Variants in CCDC7 observed in about 807,000 individuals in gnomAD.
CCDC7 encodes coiled-coil domain containing 7, also known as coiled-coil domain-containing protein 7.
CCDC7 carries 183 observed loss-of-function variants against 196.9 expected under a neutral mutation model. That is an observed-to-expected ratio of 0.93 (90% CI 0.82 to 1.05). The LOEUF (loss-of-function observed/expected upper bound fraction) is 1.05. Ranked by LOEUF, CCDC7 falls within the 50% of genes least tolerant of loss-of-function variation. The probability of loss-of-function intolerance (pLI) is 0.00; values close to 1 mark genes in which losing one functional copy is unlikely to be tolerated. For synonymous variants in CCDC7, 525 were observed against 484.6 expected (o/e 1.08, Z -1.10); for missense variants, 1,540 against 1,482.2 (o/e 1.04, Z -0.64).
Position 32,814,462 on chromosome 10 carries a change from A to T in CCDC7, c.3181+9A>T. Reference sequence around the variant, plus strand: ...ATCAAAGAGTCTCCCTGGTAAGAACAAAAACTTTACACATTTAGTATTTCT... The same window carrying T: ...ATCAAAGAGTCTCCCTGGTAAGAACTAAAACTTTACACATTTAGTATTTCT... On this transcript the variant is annotated intron_variant, in intron 31 of 41. Coordinates refer to ENST00000639629, the Ensembl canonical transcript of CCDC7. 6.3e-7 allele frequency: 1 copy of T among 1,580,260 alleles called. No homozygotes were observed. Among genetic ancestry groups the T allele is most frequent in the Non-Finnish European group, 8.7e-7 (1 of 1,151,208 alleles).
chr10:32,599,982 C>G (rs1336480938), intron 18 of CCDC7, among the ~76,000 whole-genome samples: 1 of 152,080 alleles, frequency 6.6e-6, no homozygotes, highest in African/African-American at 2.4e-5. Context: ...TATTACTGAG[C>G]TCTCTTTTCT....
chr10:32,804,684 A>G (rs2085458425), intron 29 of CCDC7, among the ~76,000 whole-genome samples: 1 of 152,172 alleles, frequency 6.6e-6, no homozygotes, highest in Non-Finnish European at 1.5e-5. Flanking sequence ...TAAATTCTGT[A>G]GGATATTTTA....
Position 32,564,253 on chromosome 10 carries a change from G to A in CCDC7, c.1135-1305G>A, listed in dbSNP as rs1273818500. On this transcript the variant is annotated intron_variant, in intron 13 of 41. Coordinates refer to ENST00000639629, the Ensembl canonical transcript of CCDC7. ...TGGAAGGCAGTGTGGCGATTCCTCA[G>A]GGATCTAGAACTAGAAATACCATTT... Among the ~76,000 whole-genome samples, 4 of 152,098 alleles carry A rather than the reference G, an allele frequency of 2.6e-5. 1 individual carries two copies. Among genetic ancestry groups the A allele is most frequent in the South Asian group, 4.1e-4 (2 of 4,822 alleles).
At chr10:32,811,620 C>T (rs780836321) in intron 30 of CCDC7, among the ~76,000 whole-genome samples, 3 of 152,042 alleles carry the variant, frequency 2.0e-5, no homozygotes, top group Admixed American at 6.6e-5. Context: ...ACTAGATGGC[C>T]TCACTGCCAA....
intron 39 of CCDC7, among the ~76,000 whole-genome samples, chr10:32,850,788 C>CACAA (rs2093529150): frequency 1.9e-5 from 1 of 52,878 alleles, no homozygotes; most frequent in African/African-American, 5.0e-5. Context: ...CACACACACA[C>CACAA]ACACACACAC....
chr10:32,767,469 A>G (rs1461652701), intron 28 of CCDC7, among the ~76,000 whole-genome samples: 1 of 152,140 alleles, frequency 6.6e-6, no homozygotes, highest in African/African-American at 2.4e-5. Context: ...ACCAAAATAG[A>G]ACAAGTATCT....
chr10:32,728,873 A>G lies in CCDC7; in HGVS notation c.2669-14A>G, dbSNP rs2083495844. On this transcript the variant is annotated splice_polypyrimidine_tract_variant and intron_variant, in intron 26 of 41. Transcript: ENST00000639629. ...TGTTTCCATTTGATGGACTAAATGC[A>G]TCTCTTGATATAGCTCGTATTGTAG... 7.0e-7 allele frequency: 1 copy of G among 1,438,270 alleles called. No individual in the cohort carries two copies. The highest frequency in any genetic ancestry group is 9.7e-7 in the Non-Finnish European group (1 of 1,029,936). 89.1% of individuals were successfully genotyped at this position (1,438,270 alleles called of 1,614,324 possible).
chr10:32,745,881 T>A (rs1395622858), intron 28 of CCDC7, among the ~76,000 whole-genome samples: 1 of 152,238 alleles, frequency 6.6e-6, no homozygotes, highest in African/African-American at 2.4e-5. Flanking sequence ...CTTCCTTGAT[T>A]TCTTTTATCA....
At chr10:32,645,574 C>G (rs2067628076) in intron 20 of CCDC7, among the ~76,000 whole-genome samples, 2 of 142,208 alleles carry the variant, frequency 1.4e-5, no homozygotes, top group East Asian at 4.2e-4. Flanking sequence ...AGTATTCCTT[C>G]CTCTTCAAGT....
chr10:32,613,429 G>A (rs2062410323), intron 18 of CCDC7, among the ~76,000 whole-genome samples: 1 of 151,948 alleles, frequency 6.6e-6, no homozygotes, highest in South Asian at 2.1e-4. Context: ...TTGCTCTGAT[G>A]TTAGTAATTT....
At chr10:32,805,245 C>G in intron 30 of CCDC7, 147 bp downstream of exon 31, 1 of 607,622 alleles carries the variant, frequency 1.6e-6, no homozygotes, top group Non-Finnish European at 2.9e-6. Flanking sequence ...TGGTTTTACT[C>G]TAGAACATAT....
intron 32 of CCDC7, among the ~76,000 whole-genome samples, chr10:32,833,521 A>G (rs1429485596): frequency 6.6e-6 from 1 of 152,118 alleles, no homozygotes; most frequent in East Asian, 1.9e-4. Context: ...CTGTCCTCAA[A>G]TACTCATTAC....
At chr10:32,872,995 T>C (rs2094483616) in intron 41 of CCDC7, among the ~76,000 whole-genome samples, 1 of 152,116 alleles carries the variant, frequency 6.6e-6, no homozygotes. Context: ...TCAACTTTGG[T>C]GAATCTGACA....
chr10:32,777,288 G>A (rs2080222557), intron 28 of CCDC7, among the ~76,000 whole-genome samples: 1 of 152,140 alleles, frequency 6.6e-6, no homozygotes, highest in South Asian at 2.1e-4. Context: ...CCATTGATGA[G>A]CACCTACGTT....
intron 28 of CCDC7, among the ~76,000 whole-genome samples, chr10:32,741,418 G>T (rs1234076773): frequency 6.6e-6 from 1 of 152,066 alleles, no homozygotes; most frequent in Non-Finnish European, 1.5e-5. Context: ...GTCATTCCTT[G>T]GTATACATAG....
chr10:32,818,358 AAG>A (rs1363220394), intron 31 of CCDC7, among the ~76,000 whole-genome samples: 6 of 152,206 alleles, frequency 3.9e-5, no homozygotes, highest in Non-Finnish European at 2.9e-5. Flanking sequence ...GAGACCTAGA[AAG>A]AGACTTAGAC....
At chr10:32,587,356 A>C (rs1313478246) in intron 18 of CCDC7, among the ~76,000 whole-genome samples, 2 of 152,184 alleles carry the variant, frequency 1.3e-5, no homozygotes, top group Non-Finnish European at 2.9e-5. Context: ...TTCTTGCTGC[A>C]TCATCCCATG....
At chr10:32,636,440 C>T (rs2139654431) in intron 20 of CCDC7, among the ~76,000 whole-genome samples, 1 of 152,210 alleles carries the variant, frequency 6.6e-6, no homozygotes, top group Admixed American at 6.5e-5. Flanking sequence ...CATGTGTTCT[C>T]ACTGTTCAAT....
chr10:32,455,910 T>A (rs1178853384), intron 2 of CCDC7, among the ~76,000 whole-genome samples: 1 of 152,194 alleles, frequency 6.6e-6, no homozygotes, highest in East Asian at 1.9e-4. Context: ...GATTTTTTTT[T>A]TTATGGTAAT....
Sources: allele counts gnomAD v4.1 joint callset (sites outside exome capture counted in the v4.1 genomes callset), GRCh38; gene constraint gnomAD v4.1.1; transcripts MANE v1.5; gene names NCBI Gene and HGNC (gene_info 2026-07-23, HGNC 2026-07-21).